Variants in FBXW11 observed in about 807,000 individuals in gnomAD.
FBXW11 encodes the protein F-box/WD repeat-containing protein 11.
In FBXW11, 19 loss-of-function variants were observed where a neutral mutation model predicts 77.6. The ratio of observed to expected loss-of-function variants is 0.24; its 90% confidence interval spans 0.17 to 0.36. The LOEUF is 0.36. Among genes scored for constraint, FBXW11 ranks in the 10% least tolerant of loss-of-function variants. The pLI is 1.00. For synonymous variants in FBXW11, 235 were observed against 249.4 expected, an observed-to-expected ratio of 0.94 and a Z score of 0.54; for missense variants, 334 against 704.2, an observed-to-expected ratio of 0.47 and a Z score of 5.95.
At chr5:171,948,735 A>G (rs1357328214) in intron 2 of FBXW11, among the ~76,000 whole-genome samples, 8 of 152,228 alleles carry the variant, frequency 5.3e-5, no homozygotes, top group Admixed American at 3.3e-4. Context: ...ATTTTTGTTC[A>G]AGAATTAAAA....
chr5:171,922,098 G>A (rs1098019), intron 2 of FBXW11, among the ~76,000 whole-genome samples: 3 of 148,726 alleles, frequency 2.0e-5, no homozygotes, highest in Non-Finnish European at 4.4e-5. Context: ...GGGAGGGAGG[G>A]AGGGGCTTGA....
intron 2 of FBXW11, among the ~76,000 whole-genome samples, chr5:171,925,031 AGAG>A (rs976523615): frequency 1.3e-3 from 199 of 152,242 alleles, no homozygotes; most frequent in African/African-American, 4.5e-3. Context: ...CAGGGCGCTA[AGAG>A]CAGCCCACCA....
chr5:171,918,428 C>T (rs976586469), intron 2 of FBXW11, among the ~76,000 whole-genome samples: 1 of 152,074 alleles, frequency 6.6e-6, no homozygotes, highest in Non-Finnish European at 1.5e-5. Flanking sequence ...ATGAGCTTCC[C>T]AAGAGAAAAG....
intron 4 of FBXW11, among the ~76,000 whole-genome samples, chr5:171,907,611 T>C (rs1009845085): frequency 6.6e-6 from 1 of 152,192 alleles, no homozygotes; most frequent in Admixed American, 6.6e-5. Context: ...CATATGTATA[T>C]ATGTTCAGAT....
chr5:171,870,392 C>T (rs1413139028), intron 11 of FBXW11, among the ~76,000 whole-genome samples: 1 of 125,382 alleles, frequency 8.0e-6, no homozygotes, highest in African/African-American at 4.8e-5. Flanking sequence ...TGAACGAACA[C>T]ACACACACAC....
intron 1 of FBXW11, among the ~76,000 whole-genome samples, chr5:171,998,436 A>G (rs1766201643): frequency 6.7e-6 from 1 of 149,612 alleles, no homozygotes; most frequent in South Asian, 2.1e-4. Flanking sequence ...TGGCCTCCCA[A>G]AGGGCTGGGA....
intron 4 of FBXW11, among the ~76,000 whole-genome samples, chr5:171,907,068 C>G (rs1760576600): frequency 6.6e-6 from 1 of 152,174 alleles, no homozygotes; most frequent in South Asian, 2.1e-4. Flanking sequence ...TGAATTTTCC[C>G]ATTAACAACA....
At chr5:171,866,709 T>A (rs1335671736) in intron 13 of FBXW11, among the ~76,000 whole-genome samples, 4 of 152,254 alleles carry the variant, frequency 2.6e-5, no homozygotes, top group Non-Finnish European at 4.4e-5. Flanking sequence ...AAGCAGTTTT[T>A]ACTTGGGTCC....
intron 3 of FBXW11, among the ~76,000 whole-genome samples, chr5:171,912,234 T>A (rs995236470): frequency 2.6e-5 from 4 of 152,216 alleles, no homozygotes; most frequent in Admixed American, 2.6e-4. Flanking sequence ...AAGGCATCTA[T>A]CTTCCACTCA....
At chr5:171,900,981 GA>G (rs1760079328) in intron 4 of FBXW11, among the ~76,000 whole-genome samples, 2 of 152,270 alleles carry the variant, frequency 1.3e-5, no homozygotes, top group South Asian at 4.1e-4. Context: ...ACAGTTGCAA[GA>G]AATAAAGCTT....
intron 1 of FBXW11, among the ~76,000 whole-genome samples, chr5:171,998,336 C>CCTTTTTTTTTTTT (rs1766188923): frequency 8.7e-6 from 1 of 114,834 alleles, no homozygotes; most frequent in African/African-American, 4.2e-5. Flanking sequence ...TTTTTCTTGT[C>CCTTTTTTTTTTTT]TTTTTTTTTT....
chr5:171,930,788 A>G (rs1762152406), intron 2 of FBXW11, among the ~76,000 whole-genome samples: 2 of 151,238 alleles, frequency 1.3e-5, no homozygotes, highest in Non-Finnish European at 3.0e-5. Context: ...AAAAACTGAA[A>G]GAATTAACAA....
chr5:171,911,628 C>T (rs1399283600), intron 3 of FBXW11, among the ~76,000 whole-genome samples: 2 of 152,130 alleles, frequency 1.3e-5, no homozygotes, highest in Admixed American at 6.6e-5. Context: ...GAAAGTGACC[C>T]AAGGTAAATA....
In FBXW11 at chr5:171,994,122, G is replaced by C. The variant is rs1765900107; in HGVS notation, c.45+12336C>G. Among the ~76,000 whole-genome samples the C allele has an allele frequency of 2.0e-5, 3 of 152,286 alleles. No homozygotes were observed. The South Asian group carries it at 6.2e-4, about 32-fold the overall frequency. On this transcript the variant is annotated intron_variant, in intron 1 of 13. Transcript: ENST00000517395. ...CTGTTTCCTTTTGCAATGATTTCTT[G>C]AAATCAGAATATATAGTTTTAGTCT... is the stretch of plus-strand genomic sequence containing the variant.
chr5:171,886,998 G>T (rs1412501020), intron 7 of FBXW11, among the ~76,000 whole-genome samples: 1 of 151,900 alleles, frequency 6.6e-6, no homozygotes, highest in Admixed American at 6.6e-5. Flanking sequence ...CAGCCAGGGT[G>T]ACAGAGCGAG....
At chr5:171,946,888 C>T (rs1368995612) in intron 2 of FBXW11, among the ~76,000 whole-genome samples, 4 of 140,124 alleles carry the variant, frequency 2.9e-5, no homozygotes, top group Non-Finnish European at 6.0e-5. Flanking sequence ...GATCTCGGCT[C>T]ACTGCAACCT....
intron 5 of FBXW11, among the ~76,000 whole-genome samples, chr5:171,899,305 G>A (rs1581170144): frequency 1.3e-5 from 2 of 152,210 alleles, no homozygotes; most frequent in South Asian, 2.1e-4. Context: ...CGTGTTTTCT[G>A]AGTACTAATA....
At chr5:171,973,719 C>T (rs1415985060) in intron 1 of FBXW11, among the ~76,000 whole-genome samples, 3 of 152,166 alleles carry the variant, frequency 2.0e-5, no homozygotes, top group Non-Finnish European at 4.4e-5. Context: ...CAATGTATCA[C>T]ACTAACATAA....
At chr5:171,926,577 T>A (rs1761903294) in intron 2 of FBXW11, among the ~76,000 whole-genome samples, 1 of 152,158 alleles carries the variant, frequency 6.6e-6, no homozygotes. Flanking sequence ...CTCACCACTC[T>A]CTCTTCCTCC....
Sources: allele counts gnomAD v4.1 joint callset (sites outside exome capture counted in the v4.1 genomes callset), GRCh38; gene constraint gnomAD v4.1.1; transcripts MANE v1.5; gene names NCBI Gene and HGNC (gene_info 2026-07-23, HGNC 2026-07-21).